ITGB6: variants seen among roughly 807,000 people sequenced by gnomAD.
ITGB6 encodes integrin beta-6.
In ITGB6, 80 loss-of-function variants were observed where a neutral mutation model predicts 84.5. That is an observed-to-expected ratio of 0.95 (90% CI 0.79 to 1.14). ITGB6 has a LOEUF of 1.14. Among genes scored for constraint, ITGB6 ranks in the 50% most tolerant of loss-of-function variants. The probability of loss-of-function intolerance (pLI) is 0.00; values close to 1 mark genes in which losing one functional copy is unlikely to be tolerated. For synonymous variants in ITGB6, 383 were observed against 354.9 expected (o/e 1.08, Z -0.89); for missense variants, 1,006 against 968.0 (o/e 1.04, Z -0.52).
chr2:160,126,126 C>T (rs1207002565), intron 11 of ITGB6, among the ~76,000 whole-genome samples: 1 of 152,162 alleles, frequency 6.6e-6, no homozygotes, highest in Non-Finnish European at 1.5e-5. Context: ...ATCAGCTCTA[C>T]TTCCCCACAC....
At chr2:160,119,606 G>A (rs1414503730) in intron 12 of ITGB6, among the ~76,000 whole-genome samples, 4 of 151,958 alleles carry the variant, frequency 2.6e-5, no homozygotes, top group Non-Finnish European at 5.9e-5. Flanking sequence ...ATAGGCATGG[G>A]CAAGGACTTC....
At chr2:160,148,596 G>T (rs998142650) in intron 7 of ITGB6, among the ~76,000 whole-genome samples, 1 of 152,190 alleles carries the variant, frequency 6.6e-6, no homozygotes, top group African/African-American at 2.4e-5. Flanking sequence ...ATTGGGACTG[G>T]CTGGACAAAG....
intron 12 of ITGB6, among the ~76,000 whole-genome samples, chr2:160,116,181 G>A (rs1394284413): frequency 1.3e-5 from 2 of 151,466 alleles, no homozygotes; most frequent in Non-Finnish European, 2.9e-5. Context: ...GATACTCCTC[G>A]AGAAGAGCAA....
At chr2:160,128,921 T>C (rs997539293) in intron 10 of ITGB6, among the ~76,000 whole-genome samples, 2 of 152,026 alleles carry the variant, frequency 1.3e-5, no homozygotes, top group Admixed American at 6.6e-5. Flanking sequence ...TGAATATATA[T>C]ATGGGCCTGA....
chr2:160,167,236 C>T (rs1169831900), intron 7 of ITGB6, among the ~76,000 whole-genome samples: 1 of 152,216 alleles, frequency 6.6e-6, no homozygotes, highest in Non-Finnish European at 1.5e-5. Flanking sequence ...AAAGGCAACA[C>T]AAGCCATTAG....
At chr2:160,193,843 T>C (rs1430874023) in intron 4 of ITGB6, among the ~76,000 whole-genome samples, 1 of 152,218 alleles carries the variant, frequency 6.6e-6, no homozygotes, top group Non-Finnish European at 1.5e-5. Flanking sequence ...GGCCTTTCTC[T>C]GTATTTCATG....
In ITGB6 at chr2:160,172,655, C is replaced by T. The variant is rs1685256838; in HGVS notation, c.835G>A (p.Asp279Asn). The T allele has an allele frequency of 1.2e-6, 2 of 1,611,768 alleles. No individual in the cohort carries two copies. Among genetic ancestry groups the T allele is most frequent in the African/African-American group, 1.3e-5 (1 of 74,880 alleles). ...VSDADSHFGM[D>N]SKLAGIVIPN... ...ATGACGATGCCTGCTAGTTTGCTGT[C>T]CATTCCAAAATGAGAATCAGCATCA... The change falls in exon 6 of 15, where the codon GAC becomes AAC. Residue 279 changes from aspartate to asparagine, a missense_variant. Physicochemically the swap from Asp to Asn is conservative, Grantham distance 23 (BLOSUM62 1). Coordinates refer to ENST00000283249, the MANE Select transcript of ITGB6 (RefSeq NM_000888.5).
At chr2:160,134,074 C>T (rs1683594577) in intron 10 of ITGB6, among the ~76,000 whole-genome samples, 2 of 152,150 alleles carry the variant, frequency 1.3e-5, no homozygotes, top group South Asian at 4.2e-4. Flanking sequence ...CTGAAGGAAA[C>T]AGAGACACAT....
At chr2:160,157,177 T>G (rs544947976) in intron 7 of ITGB6, among the ~76,000 whole-genome samples, 1 of 152,290 alleles carries the variant, frequency 6.6e-6, no homozygotes, top group African/African-American at 2.4e-5. Context: ...GGTATTCAAT[T>G]AAGGGTCTGT....
At chr2:160,171,616 G>A (rs1016025611) in intron 6 of ITGB6, among the ~76,000 whole-genome samples, 1 of 152,204 alleles carries the variant, frequency 6.6e-6, no homozygotes, top group Admixed American at 6.5e-5. Flanking sequence ...TTATAGGCGT[G>A]AGCCAACGTG....
intron 7 of ITGB6, among the ~76,000 whole-genome samples, chr2:160,167,372 A>C (rs1477840937): frequency 4.6e-5 from 7 of 152,166 alleles, no homozygotes; most frequent in Admixed American, 4.6e-4. Context: ...TGCCCCTACT[A>C]ATGCAGATGG....
chr2:160,127,772 G>A (rs1376890377), intron 10 of ITGB6, among the ~76,000 whole-genome samples: 1 of 152,208 alleles, frequency 6.6e-6, no homozygotes, highest in Non-Finnish European at 1.5e-5. Flanking sequence ...GTGAATGTGT[G>A]TCTCTGTGCA....
chr2:160,159,059 A>T (rs575751297), intron 7 of ITGB6, among the ~76,000 whole-genome samples: 1 of 151,494 alleles, frequency 6.6e-6, no homozygotes, highest in African/African-American at 2.4e-5. Context: ...AGATCGCACC[A>T]CTACACTCCA....
rs1686457598 is a variant in ITGB6, at chr2:160,199,199, A to C, written c.121T>G (p.Cys41Gly). Residue 41 changes from cysteine to glycine, a missense_variant, in exon 2 of 15, where the codon TGT becomes GGT. Transcript: ENST00000283249. ...CEDCLLIGPQ[C>G]AWCAQENFTH... ...TTTACCTCCTGAGCACACCAGGCAC[A>C]CTGAGGTCCAATAAGCAGGCAGTCT... 3.1e-6 allele frequency: 5 copies of C among 1,613,964 alleles called. No individual in the cohort carries two copies. Among genetic ancestry groups the C allele is most frequent in the Non-Finnish European group, 4.2e-6 (5 of 1,179,942 alleles).
chr2:160,104,479 T>C (rs1696833863), intron 14 of ITGB6, among the ~76,000 whole-genome samples: 1 of 152,222 alleles, frequency 6.6e-6, no homozygotes, highest in African/African-American at 2.4e-5. Flanking sequence ...CATTTGGGGT[T>C]ACCAGGCTGA....
intron 12 of ITGB6, among the ~76,000 whole-genome samples, chr2:160,115,589 C>G (rs1682730654): frequency 6.6e-6 from 1 of 152,216 alleles, no homozygotes; most frequent in South Asian, 2.1e-4. Flanking sequence ...ACTGGAAACT[C>G]TAAAAAGCAG....
chr2:160,136,880 A>G (rs892909417), intron 10 of ITGB6, among the ~76,000 whole-genome samples: 1 of 151,128 alleles, frequency 6.6e-6, no homozygotes, highest in African/African-American at 2.4e-5. Flanking sequence ...GAAGGGGAAC[A>G]TCACACACTG....
chr2:160,127,734 T>C (rs1351010100), intron 10 of ITGB6, among the ~76,000 whole-genome samples: 2 of 152,224 alleles, frequency 1.3e-5, no homozygotes, highest in East Asian at 1.9e-4. Context: ...AATGAGATAA[T>C]CCAGAAAGCA....
At position 160,101,838 on chromosome 2, in the gene ITGB6, G is replaced by GAA. The variant is rs5835793; in HGVS notation, c.2269-6_2269-5dup. Reference sequence around the variant, plus strand: ...CTCTGTAGAGTGGATTGGTTCCCTGGAAAAAAAAAAAAGATTCAAGTGAAA... The same window carrying GAA: ...CTCTGTAGAGTGGATTGGTTCCCTGGAAAAAAAAAAAAAAGATTCAAGTGAAA... On this transcript the variant is annotated splice_polypyrimidine_tract_variant and splice_region_variant and intron_variant, in intron 14 of 14. Coordinates refer to ENST00000283249, the MANE Select transcript of ITGB6 (RefSeq NM_000888.5). The GAA allele has an allele frequency of 1.8e-6, 2 of 1,123,564 alleles. No individual in the cohort carries two copies. The highest frequency in any genetic ancestry group is 2.6e-6 in the Non-Finnish European group (2 of 768,766). The allele number at this position is 1,123,564 out of a possible 1,614,324, so 69.6% of individuals were successfully genotyped here.
Sources: allele counts gnomAD v4.1 joint callset (sites outside exome capture counted in the v4.1 genomes callset), GRCh38; gene constraint gnomAD v4.1.1; transcripts MANE v1.5; gene names NCBI Gene and HGNC (gene_info 2026-07-23, HGNC 2026-07-21).